Variants in PRKG1 observed in about 807,000 individuals in gnomAD.
PRKG1 encodes the protein cGMP-dependent protein kinase 1.
A neutral mutation model predicts 88.1 loss-of-function variants in PRKG1; 35 were observed. The ratio of observed to expected loss-of-function variants is 0.40; its 90% CI spans 0.30 to 0.53. PRKG1 has a LOEUF of 0.53. Among genes scored for constraint, PRKG1 ranks in the 20% least tolerant of loss-of-function variants. The pLI is 0.59. For missense variants in PRKG1, 540 were observed against 839.8 expected, an observed-to-expected ratio of 0.64 and a Z score of 4.41; for synonymous variants, 303 against 292.5, an observed-to-expected ratio of 1.04 and a Z score of -0.37.
chr10:51,037,914 A>G (rs1346252018), intron 1 of PRKG1, among the ~76,000 whole-genome samples: 3 of 152,200 alleles, frequency 2.0e-5, no homozygotes, highest in South Asian at 2.1e-4. Flanking sequence ...TCCTTCTTAT[A>G]TTAACTTTAT....
intron 3 of PRKG1, among the ~76,000 whole-genome samples, chr10:51,803,922 A>C (rs749242040): frequency 1.2e-4 from 18 of 152,174 alleles, no homozygotes; most frequent in Non-Finnish European, 1.5e-4. Context: ...TTAATAGATC[A>C]AATGGTGAAG....
At chr10:51,885,391 T>C (rs1841542564) in intron 4 of PRKG1, among the ~76,000 whole-genome samples, 2 of 152,244 alleles carry the variant, frequency 1.3e-5, no homozygotes. Context: ...TAATGTATTT[T>C]CTCATGTAAT....
chr10:51,820,751 G>A (rs1389554903), intron 4 of PRKG1, among the ~76,000 whole-genome samples: 2 of 152,114 alleles, frequency 1.3e-5, no homozygotes, highest in African/African-American at 2.4e-5. Flanking sequence ...GTACGCACTG[G>A]GTTTTCATGT....
At chr10:51,354,161 C>T (rs1359492217) in intron 2 of PRKG1, among the ~76,000 whole-genome samples, 5 of 149,496 alleles carry the variant, frequency 3.3e-5, no homozygotes, top group Admixed American at 2.7e-4. Flanking sequence ...TGGGAAGGGT[C>T]GTGATGGGGG....
At chr10:51,368,971 T>G (rs61852116) in intron 2 of PRKG1, among the ~76,000 whole-genome samples, 9,961 of 152,170 alleles carry the variant, frequency 0.065, 462 homozygotes, top group Middle Eastern at 0.13. Flanking sequence ...TGAAGGAATC[T>G]CAGAGATTTC....
chr10:51,077,992 A>G (rs1159595990), intron 1 of PRKG1, among the ~76,000 whole-genome samples: 2 of 152,240 alleles, frequency 1.3e-5, no homozygotes, highest in Non-Finnish European at 2.9e-5. Context: ...ATGAAGTTTC[A>G]TTCCTGAAAT....
At chr10:52,101,477 A>G (rs1253657676) in intron 7 of PRKG1, among the ~76,000 whole-genome samples, 1 of 152,186 alleles carries the variant, frequency 6.6e-6, no homozygotes, top group Non-Finnish European at 1.5e-5. Flanking sequence ...AATCTTATTC[A>G]TACTGCATAA....
chr10:51,258,276 C>T (rs990418112), intron 2 of PRKG1, among the ~76,000 whole-genome samples: 4 of 152,062 alleles, frequency 2.6e-5, no homozygotes, highest in East Asian at 3.9e-4. Flanking sequence ...ATTCAAAAGT[C>T]GAGACTGTAG....
intron 7 of PRKG1, among the ~76,000 whole-genome samples, chr10:52,108,721 A>G (rs936994633): frequency 3.9e-5 from 6 of 152,314 alleles, no homozygotes; most frequent in South Asian, 2.1e-4. Flanking sequence ...GAAAATGTAC[A>G]TAATCTATTA....
chr10:51,693,740 G>A (rs1029089297), intron 3 of PRKG1, among the ~76,000 whole-genome samples: 1 of 152,060 alleles, frequency 6.6e-6, no homozygotes, highest in Non-Finnish European at 1.5e-5. Flanking sequence ...GCCCTCAAAT[G>A]ACATGTTATA....
chr10:51,584,860 T>C (rs1429727899), intron 3 of PRKG1, among the ~76,000 whole-genome samples: 1 of 152,096 alleles, frequency 6.6e-6, no homozygotes, highest in East Asian at 1.9e-4. Flanking sequence ...TCATATAACC[T>C]ACCAGTTAAA....
chr10:51,733,280 A>G (rs890576383), intron 3 of PRKG1, among the ~76,000 whole-genome samples: 2 of 152,144 alleles, frequency 1.3e-5, no homozygotes, highest in Non-Finnish European at 2.9e-5. Flanking sequence ...CTGAGTCATC[A>G]TATACTGAAA....
intron 4 of PRKG1, among the ~76,000 whole-genome samples, chr10:51,860,684 G>C (rs1295947180): frequency 6.6e-6 from 1 of 152,160 alleles, no homozygotes; most frequent in Non-Finnish European, 1.5e-5. Context: ...TTTGCTGAGG[G>C]ATGATGTATT....
chr10:51,176,649 G>A (rs1043434582), intron 2 of PRKG1, among the ~76,000 whole-genome samples: 1 of 152,122 alleles, frequency 6.6e-6, no homozygotes, highest in Non-Finnish European at 1.5e-5. Context: ...TAGATTCAGT[G>A]TCAGGGGAAA....
intron 2 of PRKG1, among the ~76,000 whole-genome samples, chr10:51,443,271 A>C (rs1839174176): frequency 6.9e-6 from 1 of 145,266 alleles, no homozygotes; most frequent in Admixed American, 6.7e-5. Flanking sequence ...ACATATTTAT[A>C]TGTTGTCTAT....
chr10:52,048,570 G>A (rs758975773), intron 5 of PRKG1, among the ~76,000 whole-genome samples: 36 of 152,060 alleles, frequency 2.4e-4, no homozygotes, highest in Admixed American at 1.8e-3. Context: ...TCTGTCACGT[G>A]TCATCAAATA....
At chr10:51,243,377 A>G (rs942831813) in intron 2 of PRKG1, among the ~76,000 whole-genome samples, 1 of 152,196 alleles carries the variant, frequency 6.6e-6, no homozygotes, top group Non-Finnish European at 1.5e-5. Context: ...ATAGCTGTGA[A>G]GCCAGAGCAG....
chr10:52,060,451 C>G (rs1353293288), intron 6 of PRKG1, among the ~76,000 whole-genome samples: 5 of 151,722 alleles, frequency 3.3e-5, no homozygotes, highest in Non-Finnish European at 7.4e-5. Flanking sequence ...ATGATTTAGA[C>G]AAACCATAGT....
intron 2 of PRKG1, among the ~76,000 whole-genome samples, chr10:51,190,024 G>A (rs1171946927): frequency 6.6e-6 from 1 of 151,800 alleles, no homozygotes; most frequent in Non-Finnish European, 1.5e-5. Flanking sequence ...CTATACATGC[G>A]CCTTAGAAAT....
Sources: allele counts gnomAD v4.1 joint callset (sites outside exome capture counted in the v4.1 genomes callset), GRCh38; gene constraint gnomAD v4.1.1; transcripts MANE v1.5; gene names NCBI Gene and HGNC (gene_info 2026-07-23, HGNC 2026-07-21).